RHCE: variants seen among roughly 807,000 people sequenced by gnomAD.
RHCE encodes the protein blood group Rh(CE) polypeptide.
A neutral mutation model predicts 43.8 loss-of-function variants in RHCE; 22 were observed. The observed-to-expected ratio is 0.50, with a 90% CI of 0.36 to 0.72. RHCE has a LOEUF of 0.72. Among genes scored for constraint, RHCE ranks in the 30% least tolerant of loss-of-function variants. The pLI, the probability that RHCE is intolerant of heterozygous loss-of-function variation, is 0.00. For synonymous variants in RHCE, 156 were observed against 210.7 expected, an observed-to-expected ratio of 0.74 and a Z score of 2.25; for missense variants, 385 against 525.4, an observed-to-expected ratio of 0.73 and a Z score of 2.61.
chr1:25,401,562 T>C (rs1646743473), intron 3 of RHCE, among the ~76,000 whole-genome samples: 1 of 152,184 alleles, frequency 6.6e-6, no homozygotes, highest in Non-Finnish European at 1.5e-5. Context: ...CCATTTGGAT[T>C]GGCCTTACCT....
At chr1:25,416,268 T>G (rs1415868665) in intron 1 of RHCE, among the ~76,000 whole-genome samples, 1 of 152,000 alleles carries the variant, frequency 6.6e-6, no homozygotes, top group Non-Finnish European at 1.5e-5. Context: ...TATTTTTATT[T>G]TCATTTTTTT....
intron 6 of RHCE, among the ~76,000 whole-genome samples, chr1:25,387,329 C>A (rs1419798041): frequency 2.0e-5 from 3 of 152,210 alleles, no homozygotes; most frequent in Non-Finnish European, 4.4e-5. Flanking sequence ...CCGGACCCAT[C>A]CCAGGCTAGC....
chr1:25,403,123 C>T (rs1646810244), intron 2 of RHCE, among the ~76,000 whole-genome samples: 1 of 151,988 alleles, frequency 6.6e-6, no homozygotes, highest in African/African-American at 2.4e-5. Context: ...CATTCGGATG[C>T]TCAACAGAGG....
chr1:25,377,831 G>A (rs1645835795), intron 7 of RHCE, among the ~76,000 whole-genome samples: 2 of 152,194 alleles, frequency 1.3e-5, no homozygotes, highest in African/African-American at 4.8e-5. Context: ...CTTGAACCTG[G>A]GAGGCAGAGG....
intron 1 of RHCE, among the ~76,000 whole-genome samples, chr1:25,413,498 C>G (rs1055384030): frequency 5.8e-4 from 89 of 152,354 alleles, no homozygotes; most frequent in African/African-American, 2.1e-3. Flanking sequence ...AGTGGATGTC[C>G]TACCCGGGCG....
chr1:25,411,243 A>C, intron 1 of RHCE: 1 of 1,444,376 alleles, frequency 6.9e-7, no homozygotes, highest in South Asian at 1.4e-5. Context: ...ATCCGAAGGA[A>C]ATAATGTTTA....
chr1:25,385,763 T>C lies in RHCE; in HGVS notation c.1021A>G (p.Ile341Val). Residue 341 changes from isoleucine (I) to valine (V), a missense_variant, in exon 7 of 10, where the codon ATC becomes GTC. Physicochemically the swap from Ile to Val is conservative, Grantham distance 29. Transcript: ENST00000294413. ...IFSLLGLLGE[I>V]TYIVLLVLHT... Reference sequence around the variant, plus strand: ...AGCACCAGCAGCACAATGTAGGTGATCTCTCCAAGCAGACCCAGCAAGCTG... The same window carrying C: ...AGCACCAGCAGCACAATGTAGGTGACCTCTCCAAGCAGACCCAGCAAGCTG... The C allele has an allele frequency of 1.2e-6, 2 of 1,613,824 alleles. No homozygotes were observed. Among genetic ancestry groups the C allele is most frequent in the Non-Finnish European group, 1.7e-6 (2 of 1,179,996 alleles).
Position 25,402,704 on chromosome 1 carries a change from T to A in RHCE, c.378A>T (p.Ser126=), listed in dbSNP as rs755317148. The A allele has an allele frequency of 1.2e-6, 2 of 1,614,028 alleles. No homozygotes were observed. The highest frequency in any genetic ancestry group is 1.7e-6 in the Non-Finnish European group (2 of 1,180,006). The change falls in exon 3 of 10, where the codon TCA becomes TCT. Residue 126 remains serine, a synonymous_variant. Coordinates refer to ENST00000294413, the MANE Select transcript of RHCE (RefSeq NM_020485.8). ...TGACCTTCCCCAAGACAGCACCCGCTGAGATCAGCACCGACATAGCACTCA... is the reference window on the plus strand; with the variant it reads ...TGACCTTCCCCAAGACAGCACCCGCAGAGATCAGCACCGACATAGCACTCA... ...ATMSAMSVLI[S]AGAVLGKVNL... is the part of the protein sequence containing the mutation.
chr1:25,408,186 C>T lies in RHCE; in HGVS notation c.335+497G>A, dbSNP rs1184113726. ...CCTATAATCCCAGCTACTCAGGAGG[C>T]TGAGGCAGGAGAATCGCTTGAACCC... On this transcript the variant is annotated intron_variant, in intron 2 of 9. Coordinates refer to ENST00000294413, the MANE Select transcript of RHCE (RefSeq NM_020485.8). Among the ~76,000 whole-genome samples the T allele has an allele frequency of 2.5e-5, 3 of 121,280 alleles. 1 individual carries two copies. Among genetic ancestry groups the T allele is most frequent in the African/African-American group, 7.7e-5 (3 of 39,076 alleles). The allele number at this position is 121,280 out of a possible 152,430, so 79.6% of individuals were successfully genotyped here. A position where few individuals can be genotyped will look rare whatever the true frequency, so the allele number is the denominator to read the frequency against.
At chr1:25,409,536 T>C (rs1210209510) in intron 1 of RHCE, among the ~76,000 whole-genome samples, 1 of 124,390 alleles carries the variant, frequency 8.0e-6, no homozygotes, top group African/African-American at 2.5e-5. Flanking sequence ...GAGATGCACC[T>C]GAGGGCAGGG....
At chr1:25,402,876 C>T in intron 2 of RHCE, 130 bp from the exon 3 acceptor site, 2 of 1,349,228 alleles carry the variant, frequency 1.5e-6, no homozygotes, top group Non-Finnish European at 2.1e-6. Flanking sequence ...GACAAGATTT[C>T]TACCCACCTG....
intron 3 of RHCE, among the ~76,000 whole-genome samples, chr1:25,394,791 C>A (rs1646490848): frequency 6.6e-6 from 1 of 152,154 alleles, no homozygotes; most frequent in Non-Finnish European, 1.5e-5. Context: ...CGTTTTTCAT[C>A]TCTTTGAGCT....
chr1:25,392,285 C>G (rs967665774), intron 3 of RHCE, 144 bp from the exon 4 acceptor site: 1 of 1,388,044 alleles, frequency 7.2e-7, no homozygotes, highest in African/African-American at 1.4e-5. Context: ...TTACCCAGCC[C>G]AACCCAGCAG....
At chr1:25,383,887 T>C (rs1646071493) in intron 7 of RHCE, among the ~76,000 whole-genome samples, 2 of 152,178 alleles carry the variant, frequency 1.3e-5, no homozygotes, top group South Asian at 4.1e-4. Context: ...ACCATAGAAA[T>C]TGCAAGTGCT....
intron 1 of RHCE, among the ~76,000 whole-genome samples, chr1:25,413,543 T>C (rs1414980460): frequency 6.6e-6 from 1 of 152,216 alleles, no homozygotes; most frequent in Non-Finnish European, 1.5e-5. Flanking sequence ...TTGTACATTC[T>C]ACGGAAAGCC....
intron 1 of RHCE, among the ~76,000 whole-genome samples, chr1:25,412,922 G>A (rs1355079840): frequency 1.3e-5 from 2 of 152,036 alleles, no homozygotes; most frequent in South Asian, 2.1e-4. Flanking sequence ...TACTCAGGAG[G>A]CTGAGGCAGG....
At position 25,392,370 on chromosome 1, in the gene RHCE, T is replaced by C. The variant is rs28504682; in HGVS notation, c.487-229A>G. ...TTTGCCTCCCAGGTTCACGCGATTCTCCTGCCTCAGCTTCCCTAGTAGCTG... is the reference window on the plus strand; with the variant it reads ...TTTGCCTCCCAGGTTCACGCGATTCCCCTGCCTCAGCTTCCCTAGTAGCTG... On this transcript the variant is annotated intron_variant, in intron 3 of 9. Transcript: ENST00000294413. Among the ~76,000 whole-genome samples, 740 of 152,202 alleles carry C rather than the reference T, an allele frequency of 4.9e-3. 6 individuals carry two copies. Among genetic ancestry groups the C allele is most frequent in the African/African-American group, 0.017 (706 of 41,534 alleles).
chr1:25,415,050 T>C (rs1438109208), intron 1 of RHCE, among the ~76,000 whole-genome samples: 6 of 152,270 alleles, frequency 3.9e-5, no homozygotes, highest in Admixed American at 2.6e-4. Context: ...TGTTCATTCA[T>C]CCTCACAACC....
intron 1 of RHCE, among the ~76,000 whole-genome samples, chr1:25,411,112 T>TA (rs1647060858): frequency 6.6e-6 from 1 of 151,434 alleles, no homozygotes; most frequent in Admixed American, 6.6e-5. Context: ...AATAAATAAA[T>TA]AAATAAAATA....
Sources: gnomAD v4.1 joint callset for allele counts (sites outside exome capture counted in the v4.1 genomes callset) on GRCh38, gnomAD v4.1.1 for gene constraint, MANE v1.5 for transcripts, NCBI Gene and HGNC (gene_info 2026-07-23, HGNC 2026-07-21) for gene names.